The following ESCO1 variants were observed in gnomAD, a reference collection of about 807,000 sequenced individuals.
The protein encoded by ESCO1 is establishment of sister chromatid cohesion N-acetyltransferase 1.
ESCO1 carries 33 observed loss-of-function variants against 83.5 expected under a neutral mutation model. That is an observed-to-expected ratio of 0.40 (90% CI 0.30 to 0.53). The LOEUF (loss-of-function observed/expected upper bound fraction) is 0.53, where lower values mean the gene tolerates loss of function less well. ESCO1 is among the 20% of genes least tolerant of loss of function. The pLI is 0.63. For synonymous variants in ESCO1, 332 were observed against 324.3 expected, an observed-to-expected ratio of 1.02 and a Z score of -0.25; for missense variants, 855 against 968.0, an observed-to-expected ratio of 0.88 and a Z score of 1.55.
intron 7 of ESCO1, among the ~76,000 whole-genome samples, chr18:21,561,785 G>A (rs2038189282): frequency 6.6e-6 from 1 of 151,934 alleles, no homozygotes; most frequent in Non-Finnish European, 1.5e-5. Context: ...TGCCCAGGCT[G>A]GTCTAGAACT....
chr18:21,592,920 G>A (rs1368510440), intron 1 of ESCO1: 3 of 171,342 alleles, frequency 1.8e-5, no homozygotes, highest in East Asian at 3.7e-4. Context: ...ACGGGGTCGC[G>A]GCTGGGAAGA....
intron 2 of ESCO1, 79 bp from the exon 3 acceptor site, chr18:21,575,856 T>C (rs546754901): frequency 2.0e-5 from 8 of 394,690 alleles, no homozygotes; most frequent in African/African-American, 1.2e-4. Context: ...TCATCAAATA[T>C]AACGCTCCAT....
intron 7 of ESCO1, among the ~76,000 whole-genome samples, chr18:21,561,855 A>T (rs1174874490): frequency 6.6e-6 from 1 of 151,890 alleles, no homozygotes; most frequent in Non-Finnish European, 1.5e-5. Flanking sequence ...GGTGTGAGCC[A>T]CTGCACCCAG....
chr18:21,570,552 G>A (rs2146207571), intron 4 of ESCO1, among the ~76,000 whole-genome samples: 1 of 152,236 alleles, frequency 6.6e-6, no homozygotes, highest in Non-Finnish European at 1.5e-5. Flanking sequence ...GTAAAACACT[G>A]AAACACAAAC....
chr18:21,561,707 C>T (rs899809680), intron 7 of ESCO1, among the ~76,000 whole-genome samples: 1 of 151,852 alleles, frequency 6.6e-6, no homozygotes, highest in African/African-American at 2.4e-5. Context: ...GGATTACAGG[C>T]ATGAGCCACC....
At chr18:21,561,024 T>C in intron 7 of ESCO1, 34 bp from the exon 8 acceptor site, 1 of 1,557,850 alleles carries the variant, frequency 6.4e-7, no homozygotes, top group Non-Finnish European at 8.6e-7. Context: ...GTTTTTTTCC[T>C]CCCAAAAGAA....
chr18:21,595,792 T>TC (rs1178856717), intron 1 of ESCO1, among the ~76,000 whole-genome samples: 1 of 149,422 alleles, frequency 6.7e-6, no homozygotes, highest in Non-Finnish European at 1.5e-5. Context: ...TGAAACCTCG[T>TC]CTCTACTAAA....
At chr18:21,565,346 TCTTA>T (rs1201784343) in intron 6 of ESCO1, among the ~76,000 whole-genome samples, 1 of 152,230 alleles carries the variant, frequency 6.6e-6, no homozygotes, top group South Asian at 2.1e-4. Context: ...AAGCTTTTAA[TCTTA>T]CTTAAACACT....
chr18:21,571,644 A>G (rs1301874961), intron 4 of ESCO1, among the ~76,000 whole-genome samples: 2 of 152,248 alleles, frequency 1.3e-5, no homozygotes, highest in African/African-American at 4.8e-5. Context: ...ATTAGATTTC[A>G]TATCCATCAA....
intron 7 of ESCO1, among the ~76,000 whole-genome samples, chr18:21,562,460 C>G (rs1382379659): frequency 2.2e-5 from 2 of 89,776 alleles, no homozygotes; most frequent in East Asian, 6.8e-4. Flanking sequence ...TGGGTGACTC[C>G]GTCTTACAAA....
Position 21,575,101 on chromosome 18 carries a change from G to A in ESCO1, c.-258C>T, listed in dbSNP as rs1191982460. ...TTGGACAAGGTAATAAAAATTTGAG[G>A]AAAATTTTGATTATTTTTAATAAGT... On this transcript the variant is annotated 5_prime_UTR_variant, in exon 4 of 12. Coordinates refer to ENST00000269214, the MANE Select transcript of ESCO1 (RefSeq NM_052911.3). 2.7e-6 allele frequency: 1 copy of A among 369,678 alleles called. No individual in the cohort carries two copies. Among genetic ancestry groups the A allele is most frequent in the Admixed American group, 4.5e-5 (1 of 22,274 alleles). The allele number at this position is 369,678 out of a possible 1,614,324, so 22.9% of individuals were successfully genotyped here. A position where few individuals can be genotyped will look rare whatever the true frequency, so the allele number is the denominator to read the frequency against.
Position 21,586,725 on chromosome 18 carries a change from C to T in ESCO1, c.-824-2285G>A, listed in dbSNP as rs184625241. Among the ~76,000 whole-genome samples, 101 of 152,188 alleles carry T rather than the reference C, an allele frequency of 6.6e-4. No individual in the cohort carries two copies. The Middle Eastern group carries it at 0.014, about 21-fold the overall frequency. On this transcript the variant is annotated intron_variant, in intron 1 of 11. Coordinates refer to ENST00000269214, the MANE Select transcript of ESCO1 (RefSeq NM_052911.3). ...TTTACTGCTTCCTTTCCAATCTGGA[C>T]GCCTTTTATTTCTTTCCCTTTTGCC...
intron 4 of ESCO1, among the ~76,000 whole-genome samples, chr18:21,569,992 T>A (rs1024668300): frequency 2.0e-5 from 3 of 152,200 alleles, no homozygotes; most frequent in Non-Finnish European, 4.4e-5. Context: ...GGCACTCAAA[T>A]ATGTCCTGAA....
intron 1 of ESCO1, among the ~76,000 whole-genome samples, chr18:21,590,225 TC>T (rs1174648622): frequency 6.0e-5 from 9 of 150,930 alleles, no homozygotes; most frequent in Admixed American, 5.3e-4. Flanking sequence ...GAACCCTTTT[TC>T]TTTTTTTTTT....
intron 8 of ESCO1, among the ~76,000 whole-genome samples, chr18:21,556,326 C>T (rs2038112176): frequency 6.6e-6 from 1 of 152,164 alleles, no homozygotes; most frequent in South Asian, 2.1e-4. Flanking sequence ...CTTCTCTTTT[C>T]TCTAATGCCC....
chr18:21,577,302 A>AGCCAAGATTGCACC, intron 2 of ESCO1, among the ~76,000 whole-genome samples: 1 of 149,536 alleles, frequency 6.7e-6, no homozygotes. Flanking sequence ...GGTTGCAGTG[A>AGCCAAGATTGCACC]ACTGAGATCA....
intron 9 of ESCO1, among the ~76,000 whole-genome samples, chr18:21,539,209 C>G (rs1177117353): frequency 3.9e-5 from 6 of 152,062 alleles, no homozygotes; most frequent in Admixed American, 3.9e-4. Context: ...CTGCAATAAG[C>G]TTTTATTTAG....
chr18:21,535,946 A>G, intron 10 of ESCO1, 96 bp downstream of exon 10: 1 of 1,451,850 alleles, frequency 6.9e-7, no homozygotes, highest in Non-Finnish European at 9.4e-7. Context: ...TCTTTACATG[A>G]AATGGAGACA....
rs544094456 is a variant in ESCO1 at position 21,596,289 on chromosome 18, A to G, written c.-825+4334T>C. Among the ~76,000 whole-genome samples, 22 of 152,130 alleles carry G rather than the reference A, an allele frequency of 1.4e-4. No homozygotes were observed. In the South Asian group the frequency reaches 3.9e-3, roughly 27 times the overall value. ...CTAATATAAAGCTACTTGGAGTCCT[A>G]CATAATTTTTAAGAGTATAAGGGGA... On this transcript the variant is annotated intron_variant, in intron 1 of 11. Transcript: ENST00000269214.
Sources: gnomAD v4.1 joint callset for allele counts (sites outside exome capture counted in the v4.1 genomes callset) on GRCh38, gnomAD v4.1.1 for gene constraint, MANE v1.5 for transcripts, NCBI Gene and HGNC (gene_info 2026-07-23, HGNC 2026-07-21) for gene names.